The following MAP7D2 variants were observed in gnomAD, a reference collection of about 807,000 sequenced individuals.
MAP7D2 encodes the protein MAP7 domain containing 2.
In MAP7D2, 33 loss-of-function variants were observed where a neutral mutation model predicts 63.5. That is an observed-to-expected ratio of 0.52 (90% CI 0.39 to 0.70). MAP7D2 has a LOEUF of 0.70. Ranked by LOEUF, MAP7D2 falls within the 30% of genes least tolerant of loss-of-function variation. MAP7D2 has a pLI of 0.00. For missense variants in MAP7D2, 626 were observed against 604.0 expected (o/e 1.04, Z -0.38); for synonymous variants, 224 against 223.7 (o/e 1.00, Z -0.01).
rs750705239 is a variant in MAP7D2 at position 20,063,522 on chromosome X, T to C, written c.264A>G (p.Glu88=). The change falls in exon 3 of 17, where the codon GAA becomes GAG. Residue 88 remains glutamate, a synonymous_variant. Transcript: ENST00000379643. ...TTCGCCATCGCTCCTCCATTTGCTT[T>C]TCGTACTGCAGCCTGGCTCTTTTCT... ...EKQKRARLQY[E]KQMEERWRKL... 14 of 1,210,810 alleles carry C rather than the reference T, an allele frequency of 1.2e-5. No individual in the cohort carries two copies. Among genetic ancestry groups the C allele is most frequent in the Non-Finnish European group, 1.6e-5 (14 of 895,363 alleles).
At chrX:20,022,547 G>C (rs1283427644) in intron 10 of MAP7D2, among the ~76,000 whole-genome samples, 1 of 110,528 alleles carries the variant, frequency 9.0e-6, no homozygotes, top group African/African-American at 3.3e-5. Flanking sequence ...AGGAAGGAGA[G>C]GAGGGACGGG....
rs762175030 is a variant in MAP7D2, at chrX:20,063,417, C to T, written c.369G>A (p.Glu123=). 2.5e-6 allele frequency: 3 copies of T among 1,210,509 alleles called. No homozygotes were observed. Among genetic ancestry groups the T allele is most frequent in the Non-Finnish European group, 3.4e-6 (3 of 895,035 alleles). The change falls in exon 3 of 17, where the codon GAG becomes GAA. Residue 123 remains glutamate, a synonymous_variant. Transcript: ENST00000379643. ...EEKRKQKLRE[E]EERLEAMMRR... is the part of the protein sequence containing the mutation. Reference sequence around the variant, plus strand: ...GGAGGGTGCACCTGGGCCTTACCTCCTCCTCCCGGAGCTTCTGTTTCCTTT... The same window carrying T: ...GGAGGGTGCACCTGGGCCTTACCTCTTCCTCCCGGAGCTTCTGTTTCCTTT...
chrX:20,112,122 A>C (rs1209262160), intron 1 of MAP7D2, among the ~76,000 whole-genome samples: 9 of 111,895 alleles, frequency 8.0e-5, no homozygotes, highest in Non-Finnish European at 1.7e-4. Context: ...GAAGCGGGTG[A>C]GATGACAAAG....
rs1441914372 is a variant in MAP7D2 at position 20,038,307 on chromosome X, T to C, written c.1007+4195A>G. 2.7e-5 allele frequency among the ~76,000 whole-genome samples: 3 copies of C among 111,968 alleles called. No individual in the cohort carries two copies. In the East Asian group the frequency reaches 8.4e-4, roughly 31 times the overall value. ...CACCTTCATGGTATTCCACATAGCA[T>C]TGCCTCTGAACAAGGCACTCACTTT... On this transcript the variant is annotated intron_variant, in intron 8 of 16. Coordinates refer to ENST00000379643, the MANE Select transcript of MAP7D2 (RefSeq NM_001168465.2).
At chrX:20,101,008 T>A (rs949500856) in intron 1 of MAP7D2, among the ~76,000 whole-genome samples, 3 of 79,566 alleles carry the variant, frequency 3.8e-5, no homozygotes, top group Non-Finnish European at 4.8e-5. Context: ...GCAACAAGAG[T>A]AAAACTCCGT....
rs965691476 is a variant in MAP7D2 at position 20,025,944 on chromosome X, G to A, written c.1016C>T (p.Thr339Ile). 4.1e-6 allele frequency: 5 copies of A among 1,208,421 alleles called. No homozygotes were observed. Among genetic ancestry groups the A allele is most frequent in the African/African-American group, 1.8e-5 (1 of 56,996 alleles). ...CTTTGGAGACTGTGGATAAGCTTTAGTAGCTGTCCTGGAAAACAAAAAATA... is the reference window on the plus strand; with the variant it reads ...CTTTGGAGACTGTGGATAAGCTTTAATAGCTGTCCTGGAAAACAAAAAATA... ...PSSPVISKTA[T>I]KAYPQSPKTT... is the part of the protein sequence containing the mutation. The change falls in exon 9 of 17, where the codon ACT becomes ATT. Residue 339 changes from threonine to isoleucine, a missense_variant. Physicochemically the swap from Thr to Ile is moderately conservative, Grantham distance 89. Coordinates refer to ENST00000379643, the MANE Select transcript of MAP7D2 (RefSeq NM_001168465.2).
At chrX:20,100,471 T>C (rs1485537282) in intron 1 of MAP7D2, among the ~76,000 whole-genome samples, 1 of 111,718 alleles carries the variant, frequency 9.0e-6, no homozygotes. Flanking sequence ...TGCTATCCCA[T>C]ATAACAAAAA....
intron 1 of MAP7D2, among the ~76,000 whole-genome samples, chrX:20,086,181 C>T (rs976839633): frequency 8.9e-6 from 1 of 112,040 alleles, no homozygotes; most frequent in South Asian, 3.7e-4. Context: ...TTCTCAGAGC[C>T]GCCTTCTCAC....
intron 6 of MAP7D2, among the ~76,000 whole-genome samples, chrX:20,045,038 G>A (rs1603370637): frequency 9.0e-6 from 1 of 111,245 alleles, no homozygotes; most frequent in African/African-American, 3.3e-5. Context: ...GTGCCTGGGA[G>A]GGGATGCCTA....
intron 10 of MAP7D2, among the ~76,000 whole-genome samples, chrX:20,018,477 C>G (rs1437138360): frequency 1.1e-5 from 1 of 87,094 alleles, no homozygotes; most frequent in East Asian, 3.6e-4. Flanking sequence ...GAGTCTCACT[C>G]TGTTGCCCAG....
intron 8 of MAP7D2, among the ~76,000 whole-genome samples, chrX:20,036,410 T>C (rs917893972): frequency 5.7e-5 from 6 of 104,662 alleles, no homozygotes; most frequent in African/African-American, 2.1e-4. Context: ...GCCTGGCTAA[T>C]TTTTTGTATT....
intron 10 of MAP7D2, among the ~76,000 whole-genome samples, chrX:20,017,682 A>C (rs2073452633): frequency 8.9e-6 from 1 of 112,400 alleles, no homozygotes; most frequent in Non-Finnish European, 1.9e-5. Flanking sequence ...GATATTCTGG[A>C]GAGGAGCATT....
chrX:20,096,464 C>G (rs1186477871), intron 1 of MAP7D2, among the ~76,000 whole-genome samples: 8 of 104,420 alleles, frequency 7.7e-5, no homozygotes, highest in Non-Finnish European at 1.4e-4. Context: ...AAAAGAAATT[C>G]TGACACATAC....
chrX:20,008,570 T>TA (rs1438739226), intron 16 of MAP7D2, among the ~76,000 whole-genome samples, 172 bp from the exon 17 acceptor site: 21 of 112,419 alleles, frequency 1.9e-4, no homozygotes, highest in Non-Finnish European at 3.6e-4. Context: ...ACAGAAGTGA[T>TA]AGAGTATTTT....
chrX:20,058,056 G>A (rs1350998156), intron 3 of MAP7D2, among the ~76,000 whole-genome samples: 1 of 112,282 alleles, frequency 8.9e-6, no homozygotes, highest in Non-Finnish European at 1.9e-5. Flanking sequence ...GCAGAAAGGG[G>A]GATTTTTACC....
chrX:20,056,536 A>G (rs2065072494), intron 4 of MAP7D2, 144 bp downstream of exon 4: 9 of 452,711 alleles, frequency 2.0e-5, no homozygotes. Flanking sequence ...GCAGTTTTAA[A>G]CATCACATCT....
intron 5 of MAP7D2, 88 bp from the exon 6 acceptor site, chrX:20,051,034 A>G (rs2064936111): frequency 1.2e-6 from 1 of 801,733 alleles, no homozygotes; most frequent in African/African-American, 2.1e-5. Flanking sequence ...GCATGGTGCA[A>G]ATTAACTTTT....
intron 6 of MAP7D2, among the ~76,000 whole-genome samples, chrX:20,047,050 G>A (rs1002443715): frequency 8.9e-6 from 1 of 112,688 alleles, no homozygotes; most frequent in African/African-American, 3.2e-5. Flanking sequence ...ACTATGAGCC[G>A]GCAGGAGTGG....
At chrX:20,035,928 G>GTA (rs1235011263) in intron 8 of MAP7D2, among the ~76,000 whole-genome samples, 1 of 7,149 alleles carries the variant, frequency 1.4e-4, no homozygotes, top group Non-Finnish European at 3.2e-4. Context: ...AAATATATAT[G>GTA]TGTGTGTGTG....
Sources: allele counts gnomAD v4.1 joint callset (sites outside exome capture counted in the v4.1 genomes callset), GRCh38; gene constraint gnomAD v4.1.1; transcripts MANE v1.5; gene names NCBI Gene and HGNC (gene_info 2026-07-23, HGNC 2026-07-21).